NLRP2: variants seen among roughly 807,000 people sequenced by gnomAD.
NLRP2 encodes NLR family pyrin domain containing 2.
In NLRP2, 107 loss-of-function variants were observed where a neutral mutation model predicts 97.2. The observed-to-expected ratio is 1.10, with a 90% CI of 0.94 to 1.29. The LOEUF (loss-of-function observed/expected upper bound fraction) is 1.29. Ranked by LOEUF, NLRP2 falls within the 50% of genes most tolerant of loss-of-function variation. The pLI, the probability that NLRP2 is intolerant of heterozygous loss-of-function variation, is 0.00. For synonymous variants in NLRP2, 663 were observed against 551.5 expected, an observed-to-expected ratio of 1.20 and a Z score of -2.83; for missense variants, 1,495 against 1,330.3, an observed-to-expected ratio of 1.12 and a Z score of -1.93.
rs528494795 is a variant in NLRP2, at chr19:54,970,656, CAA to C, written c.280+371_280+372del. Among the ~76,000 whole-genome samples the C allele has an allele frequency of 4.1e-3, 574 of 139,040 alleles. 4 individuals carry two copies. The highest frequency in any genetic ancestry group is 0.014 in the African/African-American group (546 of 38,254). The allele number at this position is 139,040 out of a possible 152,430, so 91.2% of individuals were successfully genotyped here. A position where few individuals can be genotyped will look rare whatever the true frequency, so the allele number is the denominator to read the frequency against. ...GGGCAACAAGAGCAAAATTCTGTCTCAAAAAAAAAAAGAAATGGCATTGAGGC... is the reference window on the plus strand; with the variant it reads ...GGGCAACAAGAGCAAAATTCTGTCTCAAAAAAAAAGAAATGGCATTGAGGC... On this transcript the variant is annotated intron_variant, in intron 2 of 12. Coordinates refer to ENST00000448584, the MANE Select transcript of NLRP2 (RefSeq NM_017852.5).
At chr19:54,976,803 G>A in intron 3 of NLRP2, 2 of 284,236 alleles carry the variant, frequency 7.0e-6, no homozygotes, top group Admixed American at 8.9e-5. Flanking sequence ...ATTCCACCTT[G>A]TTCTCTCTCT....
chr19:54,996,144 CTGCAGTGA>C (rs1467732237), intron 11 of NLRP2, among the ~76,000 whole-genome samples: 1 of 151,678 alleles, frequency 6.6e-6, no homozygotes, highest in African/African-American at 2.4e-5. Context: ...GAGGTCAAGG[CTGCAGTGA>C]GCCAAGATGG....
At chr19:54,998,559 A>G (rs1240897026) in intron 12 of NLRP2, among the ~76,000 whole-genome samples, 3 of 74,262 alleles carry the variant, frequency 4.0e-5, no homozygotes, top group Non-Finnish European at 5.9e-5. Context: ...TTGTTTATTT[A>G]TTATTTATTT....
At chr19:54,993,359 T>TGCTTCAC (rs1419523682) in intron 10 of NLRP2, 34 of 152,146 alleles carry the variant, frequency 2.2e-4, no homozygotes, top group African/African-American at 7.7e-4. Flanking sequence ...GCTAGTGGTA[T>TGCTTCAC]GCTTCACTTG....
intron 4 of NLRP2, among the ~76,000 whole-genome samples, chr19:54,980,972 G>T (rs141925652): frequency 6.6e-6 from 1 of 152,086 alleles, no homozygotes; most frequent in African/African-American, 2.4e-5. Flanking sequence ...TAGCCTAGAC[G>T]CAGTGGCACA....
At chr19:54,992,900 T>C (rs560160654) in intron 10 of NLRP2, among the ~76,000 whole-genome samples, 1 of 152,140 alleles carries the variant, frequency 6.6e-6, no homozygotes, top group African/African-American at 2.4e-5. Context: ...TTTTGCTAAG[T>C]TGTCAACTTC....
rs374020777 is a variant in NLRP2, at chr19:54,994,306, G to A, written c.2746G>A (p.Asp916Asn). The A allele has an allele frequency of 1.5e-5, 25 of 1,613,970 alleles. No homozygotes were observed. Among genetic ancestry groups the A allele is most frequent in the African/African-American group, 1.5e-4 (11 of 74,918 alleles). The part of the protein sequence containing the change: ...NCDITSDGCC[D>N]LTKLLQEKSS... ...CGACATAACTAGCGATGGCTGCTGCGATCTCACAAAGCTTCTCCAAGAAAA... is the reference window on the plus strand; with the variant it reads ...CGACATAACTAGCGATGGCTGCTGCAATCTCACAAAGCTTCTCCAAGAAAA... The change falls in exon 11 of 13, where the codon GAT becomes AAT. Residue 916 changes from aspartate to asparagine, a missense_variant. By Grantham distance (23) the Asp-to-Asn change is conservative. Coordinates refer to ENST00000448584, the MANE Select transcript of NLRP2 (RefSeq NM_017852.5).
intron 6 of NLRP2, 88 bp from the exon 7 acceptor site, chr19:54,984,956 ATTT>A: frequency 8.1e-7 from 1 of 1,234,256 alleles, no homozygotes; most frequent in Non-Finnish European, 1.2e-6. Flanking sequence ...AATTGTACTC[ATTT>A]GTCAGGGGTA....
intron 2 of NLRP2, among the ~76,000 whole-genome samples, chr19:54,970,770 CTTT>C (rs34406686): frequency 5.5e-5 from 6 of 108,466 alleles, no homozygotes; most frequent in African/African-American, 1.7e-4. Flanking sequence ...CTACCTACTT[CTTT>C]TTTTTTTTTT....
intron 1 of NLRP2, among the ~76,000 whole-genome samples, chr19:54,969,477 C>CA (rs757668995): frequency 0.042 from 3,939 of 94,506 alleles, 184 homozygotes; most frequent in African/African-American, 0.13. Flanking sequence ...GACTCCGTCT[C>CA]AAAAAAAAAA....
chr19:54,995,784 G>T (rs2072776862), intron 11 of NLRP2, among the ~76,000 whole-genome samples: 1 of 151,986 alleles, frequency 6.6e-6, no homozygotes, highest in African/African-American at 2.4e-5. Flanking sequence ...GCTCATGCCT[G>T]TAATCCTGGC....
rs536665984 is a variant in NLRP2 at position 54,983,516 on chromosome 19, C to T, written c.1818C>T (p.Leu606=). ...CGGTGACAGACCTGCAGGAGCTCCT[C>T]GGCTGTCTGTACGAGTCTCAGGAGG... is the stretch of plus-strand genomic sequence containing the variant. The part of the protein sequence containing the change: ...HSTVTDLQEL[L]GCLYESQEEE... Residue 606 remains leucine (L), a synonymous_variant, in exon 6 of 13, where the codon CTC becomes CTT. Transcript: ENST00000448584. 54 of 1,614,140 alleles carry T rather than the reference C, an allele frequency of 3.3e-5. No homozygotes were observed. The highest frequency in any genetic ancestry group is 2.0e-4 in the East Asian group (9 of 44,870).
rs1568539810 is a variant in NLRP2 at position 54,996,047 on chromosome 19, A to AAAAAAC, written c.2880-1265_2880-1264insCAAAAA. On this transcript the variant is annotated intron_variant, in intron 11 of 12. Coordinates refer to ENST00000448584, the MANE Select transcript of NLRP2 (RefSeq NM_017852.5). ...AGTGAGATCCTGTCTCAAAAAAAAA[A>AAAAAAC]AAAAAACAAAAAAAACAAAGGCGCC... Among the ~76,000 whole-genome samples the AAAAAAC allele has an allele frequency of 8.5e-4, 126 of 147,918 alleles. 2 individuals carry two copies. Among genetic ancestry groups the AAAAAAC allele is most frequent in the African/African-American group, 3.1e-3 (124 of 39,834 alleles).
intron 6 of NLRP2, among the ~76,000 whole-genome samples, chr19:54,984,500 T>TTTTTTTTTTTTTTTTG (rs764786892): frequency 7.5e-6 from 1 of 132,852 alleles, no homozygotes; most frequent in African/African-American, 2.9e-5. Flanking sequence ...TTTTTTTTTT[T>TTTTTTTTTTTTTTTTG]GAGACGGAGT....
rs774311651 is a variant in NLRP2 at position 54,982,794 on chromosome 19, G to C, written c.1096G>C (p.Ala366Pro). 2.5e-6 allele frequency: 4 copies of C among 1,613,924 alleles called. No individual in the cohort carries two copies. In the East Asian group the frequency reaches 8.9e-5, roughly 36 times the overall value. Reference sequence around the variant, plus strand: ...GGGCTTCCTGGAGGAGGACAGGAGGGCCTATTTCCTGAGACACTTTGGAGA... The same window carrying C: ...GGGCTTCCTGGAGGAGGACAGGAGGCCCTATTTCCTGAGACACTTTGGAGA... Reference protein sequence around the residue: ...VEGFLEEDRRAYFLRHFGDED... With the variant: ...VEGFLEEDRRPYFLRHFGDED... The change falls in exon 6 of 13, where the codon GCC becomes CCC. Residue 366 changes from alanine to proline, a missense_variant. By Grantham distance (27) the Ala-to-Pro change is conservative. Transcript: ENST00000448584.
At chr19:54,984,864 T>C (rs1353716866) in intron 6 of NLRP2, among the ~76,000 whole-genome samples, 183 bp from the exon 7 acceptor site, 2 of 152,200 alleles carry the variant, frequency 1.3e-5, no homozygotes, top group East Asian at 1.9e-4. Context: ...CTAAGAAGAA[T>C]AGGTTCTTTC....
At chr19:54,990,358 C>T in intron 9 of NLRP2, 144 bp from the exon 10 acceptor site, 2 of 1,122,044 alleles carry the variant, frequency 1.8e-6, no homozygotes, top group Non-Finnish European at 2.7e-6. Context: ...TCTCTCATTC[C>T]TATTCCTTCA....
intron 4 of NLRP2, 50 bp downstream of exon 4, chr19:54,977,873 T>A (rs778038238): frequency 6.5e-7 from 1 of 1,528,860 alleles, no homozygotes; most frequent in Admixed American, 1.7e-5. Flanking sequence ...AGCCCCCCGT[T>A]CTTGCTGCTA....
In NLRP2 at chr19:54,989,355, C is replaced by T. The variant is rs146200448; in HGVS notation, c.2367-667C>T. 9.2e-4 allele frequency among the ~76,000 whole-genome samples: 140 copies of T among 152,132 alleles called. 1 individual carries two copies. Among genetic ancestry groups the T allele is most frequent in the African/African-American group, 3.0e-3 (126 of 41,528 alleles). ...GGCAAGATGGCATTTGCCTGTAATC[C>T]CAGCTACTCAGGAGGCTGAGGCGGG... is the stretch of plus-strand genomic sequence containing the variant. On this transcript the variant is annotated intron_variant, in intron 8 of 12. Transcript: ENST00000448584.
Sources: gnomAD v4.1 joint callset for allele counts (sites outside exome capture counted in the v4.1 genomes callset) on GRCh38, gnomAD v4.1.1 for gene constraint, MANE v1.5 for transcripts, NCBI Gene and HGNC (gene_info 2026-07-23, HGNC 2026-07-21) for gene names.